CNTNAP3: variants seen among roughly 807,000 people sequenced by gnomAD.
CNTNAP3 encodes contactin-associated protein-like 3.
A neutral mutation model predicts 92.1 loss-of-function variants in CNTNAP3; 36 were observed. That is an observed-to-expected ratio of 0.39 (90% confidence interval 0.30 to 0.52). The LOEUF (loss-of-function observed/expected upper bound fraction) is 0.52. Among genes scored for constraint, CNTNAP3 ranks in the 20% least tolerant of loss-of-function variants. The pLI, the probability that CNTNAP3 is intolerant of heterozygous loss-of-function variation, is 0.76. For synonymous variants in CNTNAP3, 232 were observed against 422.3 expected, an observed-to-expected ratio of 0.55 and a Z score of 5.53; for missense variants, 534 against 1,069.6, an observed-to-expected ratio of 0.50 and a Z score of 6.98.
Position 39,103,907 on chromosome 9 carries a change from G to C in CNTNAP3, c.2373C>G (p.Phe791Leu), listed in dbSNP as rs148916792. 6.8e-7 allele frequency: 1 copy of C among 1,473,398 alleles called. No homozygotes were observed. The highest frequency in any genetic ancestry group is 9.3e-7 in the Non-Finnish European group (1 of 1,070,420). The allele number at this position is 1,473,398 out of a possible 1,614,324, so 91.3% of individuals were successfully genotyped here. Residue 791 changes from phenylalanine (F) to leucine (L), a missense_variant, in exon 16 of 24, where the codon TTC (phenylalanine) becomes TTG (leucine). Physicochemically the swap from Phe to Leu is conservative, Grantham distance 22. Transcript: ENST00000297668. ...CAGTGTTGAAGGAAGCTGAATTCCAGAATGACTCTGTTTACAATAGAGAAA... is the reference window on the plus strand; with the variant it reads ...CAGTGTTGAAGGAAGCTGAATTCCACAATGACTCTGTTTACAATAGAGAAA... ...GPLLCRGDQS[F>L]WNSASFNTET...
At chr9:39,104,428 C>T (rs1826545524) in intron 15 of CNTNAP3, among the ~76,000 whole-genome samples, 5 of 151,102 alleles carry the variant, frequency 3.3e-5, no homozygotes, top group Admixed American at 3.3e-4. Flanking sequence ...GGATAAATGA[C>T]TCCAGAAGCC....
intron 14 of CNTNAP3, among the ~76,000 whole-genome samples, chr9:39,112,519 C>T (rs1353189076): frequency 7.9e-5 from 12 of 152,116 alleles, no homozygotes; most frequent in Admixed American, 1.3e-4. Flanking sequence ...GCGTGCGCCA[C>T]TATGCTCAGC....
intron 14 of CNTNAP3, among the ~76,000 whole-genome samples, chr9:39,117,324 A>T (rs1160517246): frequency 5.3e-5 from 8 of 152,008 alleles, no homozygotes; most frequent in Admixed American, 4.6e-4. Flanking sequence ...ACTCTACATG[A>T]TCTAGTTGTT....
At chr9:39,082,080 C>G (rs1322093159) in intron 21 of CNTNAP3, among the ~76,000 whole-genome samples, 3 of 121,514 alleles carry the variant, frequency 2.5e-5, no homozygotes, top group African/African-American at 1.0e-4. Context: ...GAGTGAAACT[C>G]GATCTCAAAA....
At chr9:39,131,934 T>C (rs928323377) in intron 13 of CNTNAP3, among the ~76,000 whole-genome samples, 1 of 151,344 alleles carries the variant, frequency 6.6e-6, no homozygotes, top group African/African-American at 2.5e-5. Context: ...CAGATGACAG[T>C]CATACACCAC....
rs1163571121 is a variant in CNTNAP3 at position 39,066,588 on chromosome 9, T to G, written c.*7302A>C. On this transcript the variant is annotated 3_prime_UTR_variant, in exon 24 of 24. Coordinates refer to ENST00000297668, the MANE Select transcript of CNTNAP3 (RefSeq NM_033655.5). ...ACTTTTCTATGTCTGAAAAATATCT[T>G]TGTTTCATCCTTTCTTGAAAGACGG... Among the ~76,000 whole-genome samples, 1 of 152,292 alleles carries G rather than the reference T, an allele frequency of 6.6e-6. No homozygotes were observed. The highest frequency in any genetic ancestry group is 1.9e-4 in the East Asian group (1 of 5,206).
intron 18 of CNTNAP3, among the ~76,000 whole-genome samples, chr9:39,091,378 G>A (rs1232186152): frequency 6.6e-6 from 1 of 151,988 alleles, no homozygotes; most frequent in East Asian, 1.9e-4. Flanking sequence ...TCTATAATTA[G>A]TTTACTGAAT....
chr9:39,116,892 C>A (rs1820871527), intron 14 of CNTNAP3, among the ~76,000 whole-genome samples: 2 of 152,234 alleles, frequency 1.3e-5, no homozygotes, highest in Admixed American at 1.3e-4. Context: ...CAAACAACTC[C>A]ATTTTTAGGA....
At chr9:39,118,867 G>A (rs1385339944) in intron 13 of CNTNAP3, among the ~76,000 whole-genome samples, 1 of 152,294 alleles carries the variant, frequency 6.6e-6, no homozygotes, top group East Asian at 1.9e-4. Context: ...GAAACAAAGT[G>A]CCCTGGGTCA....
intron 9 of CNTNAP3, among the ~76,000 whole-genome samples, chr9:39,151,085 A>G (rs1420244320): frequency 1.4e-5 from 2 of 144,432 alleles, no homozygotes; most frequent in Non-Finnish European, 3.0e-5. Flanking sequence ...AAATCTTTTT[A>G]TTTAAAGACA....
chr9:39,124,398 AAG>A (rs1256670248), intron 13 of CNTNAP3, among the ~76,000 whole-genome samples: 4 of 152,160 alleles, frequency 2.6e-5, no homozygotes, highest in African/African-American at 9.7e-5. Context: ...ACAAATAAAA[AAG>A]AGTTACAATA....
At chr9:39,117,862 T>G (rs1211076406) in intron 14 of CNTNAP3, 1 of 790,912 alleles carries the variant, frequency 1.3e-6, no homozygotes. Flanking sequence ...ACTTAACAGC[T>G]GTTTCTCTTT....
rs559262095 is a variant in CNTNAP3 at position 39,074,705 on chromosome 9, A to G, written c.3746-694T>C. Among the ~76,000 whole-genome samples the G allele has an allele frequency of 1.7e-3, 264 of 152,334 alleles. 1 individual carries two copies. Among genetic ancestry groups the G allele is most frequent in the African/African-American group, 6.2e-3 (256 of 41,572 alleles). On this transcript the variant is annotated intron_variant, in intron 23 of 23. Transcript: ENST00000297668. The stretch of plus-strand genomic sequence containing the variant: ...GCATCATCATAGATCATTACATGTT[A>G]TTGTTAGTACAATGAAATGGATACA...
intron 14 of CNTNAP3, among the ~76,000 whole-genome samples, chr9:39,112,812 C>A (rs1292988418): frequency 6.6e-6 from 1 of 152,150 alleles, no homozygotes; most frequent in Non-Finnish European, 1.5e-5. Context: ...ATTACTACAG[C>A]AATACAGTAT....
intron 12 of CNTNAP3, among the ~76,000 whole-genome samples, chr9:39,139,365 G>T (rs549449763): frequency 6.6e-6 from 1 of 152,158 alleles, no homozygotes; most frequent in Non-Finnish European, 1.5e-5. Flanking sequence ...GATTTTGGAG[G>T]TAATTGGTAT....
chr9:39,089,252 C>T (rs1334603971), intron 18 of CNTNAP3, among the ~76,000 whole-genome samples: 1 of 152,052 alleles, frequency 6.6e-6, no homozygotes, highest in African/African-American at 2.4e-5. Context: ...AATTTACTTT[C>T]TGTCTCTGCA....
At chr9:39,099,346 T>G (rs1312630532) in intron 18 of CNTNAP3, among the ~76,000 whole-genome samples, 1 of 152,172 alleles carries the variant, frequency 6.6e-6, no homozygotes, top group Admixed American at 6.5e-5. Context: ...TAGAGCACAG[T>G]GTTTGAGTGA....
At chr9:39,150,093 T>C in intron 9 of CNTNAP3, 116 bp from the exon 10 acceptor site, 3 of 686,912 alleles carry the variant, frequency 4.4e-6, no homozygotes, top group Admixed American at 2.9e-5. Flanking sequence ...TATGATGCGA[T>C]GAGCTTCACC....
At chr9:39,147,981 C>A (rs1021922183) in intron 10 of CNTNAP3, among the ~76,000 whole-genome samples, 24 of 152,246 alleles carry the variant, frequency 1.6e-4, no homozygotes, top group African/African-American at 5.1e-4. Flanking sequence ...CACAGTTGAG[C>A]TGACAGCTCT....
Sources: gnomAD v4.1 joint callset for allele counts (sites outside exome capture counted in the v4.1 genomes callset) on GRCh38, gnomAD v4.1.1 for gene constraint, MANE v1.5 for transcripts, NCBI Gene and HGNC (gene_info 2026-07-23, HGNC 2026-07-21) for gene names.